EYS: variants seen among roughly 807,000 people sequenced by gnomAD.
The protein encoded by EYS is EGF-like photoreceptor maintenance factor, also known as protein eyes shut homolog.
In EYS, 250 loss-of-function variants were observed where a neutral mutation model predicts 282.1. That is an observed-to-expected ratio of 0.89 (90% confidence interval 0.80 to 0.98). The LOEUF is 0.98. EYS is among the 50% of genes least tolerant of loss of function. EYS has a pLI of 0.00. For missense variants in EYS, 4,016 were observed against 3,709.0 expected, an observed-to-expected ratio of 1.08 and a Z score of -2.15; for synonymous variants, 1,355 against 1,282.9, an observed-to-expected ratio of 1.06 and a Z score of -1.20.
At chr6:65,645,007 G>A (rs370411339) in intron 1 of EYS, among the ~76,000 whole-genome samples, 13 of 152,074 alleles carry the variant, frequency 8.5e-5, no homozygotes, top group Middle Eastern at 3.4e-3. Context: ...AACAAACAAG[G>A]TATTCAGGCA....
At chr6:65,164,627 T>C (rs988715693) in intron 12 of EYS, among the ~76,000 whole-genome samples, 1 of 151,294 alleles carries the variant, frequency 6.6e-6, no homozygotes, top group African/African-American at 2.4e-5. Context: ...TTTTAGAAAA[T>C]CTGTATTAGA....
intron 29 of EYS, among the ~76,000 whole-genome samples, chr6:64,313,372 G>A (rs1383659158): frequency 7.4e-6 from 1 of 134,586 alleles, no homozygotes; most frequent in African/African-American, 2.6e-5. Context: ...TCCAAGAAAT[G>A]TGGGACTATG....
chr6:64,324,256 C>A (rs1770325784), intron 29 of EYS, among the ~76,000 whole-genome samples: 1 of 152,116 alleles, frequency 6.6e-6, no homozygotes, highest in Non-Finnish European at 1.5e-5. Context: ...AAACTGAATC[C>A]AGTAGCAGAT....
intron 12 of EYS, among the ~76,000 whole-genome samples, chr6:65,224,041 T>C (rs943282414): frequency 6.6e-6 from 1 of 152,176 alleles, no homozygotes; most frequent in African/African-American, 2.4e-5. Context: ...CTTGACAAGA[T>C]GACTTGAGTA....
chr6:63,816,762 C>T (rs1196880681), intron 36 of EYS, among the ~76,000 whole-genome samples: 2 of 152,228 alleles, frequency 1.3e-5, no homozygotes, highest in East Asian at 3.8e-4. Context: ...GAAGGAAGTT[C>T]ACGTGCTACG....
chr6:63,738,498 A>G (rs988812601), intron 41 of EYS, among the ~76,000 whole-genome samples: 1 of 149,842 alleles, frequency 6.7e-6, no homozygotes, highest in African/African-American at 2.5e-5. Flanking sequence ...CAAAAAACCA[A>G]ACACCCCATA....
chr6:64,567,150 GAA>G (rs377115312), intron 26 of EYS, among the ~76,000 whole-genome samples: 1 of 144,224 alleles, frequency 6.9e-6, no homozygotes. Flanking sequence ...AGGACTAAAA[GAA>G]AAAAAAAAAT....
At chr6:64,905,807 A>C (rs1441125282) in intron 16 of EYS, among the ~76,000 whole-genome samples, 1 of 152,126 alleles carries the variant, frequency 6.6e-6, no homozygotes, top group Non-Finnish European at 1.5e-5. Context: ...TCAGGACTAT[A>C]TTTTAACAAT....
intron 8 of EYS, among the ~76,000 whole-genome samples, chr6:65,368,383 T>A (rs1765002072): frequency 6.6e-6 from 1 of 151,732 alleles, no homozygotes; most frequent in Non-Finnish European, 1.5e-5. Flanking sequence ...GTGGTAACTT[T>A]GATTTCTATT....
chr6:64,747,675 G>A (rs1267423300), intron 22 of EYS, among the ~76,000 whole-genome samples: 1 of 152,160 alleles, frequency 6.6e-6, no homozygotes, highest in Non-Finnish European at 1.5e-5. Context: ...ACCATGCCCA[G>A]CCCTAGAATC....
At chr6:63,862,438 C>T (rs1397118235) in intron 36 of EYS, among the ~76,000 whole-genome samples, 1 of 151,730 alleles carries the variant, frequency 6.6e-6, no homozygotes, top group Non-Finnish European at 1.5e-5. Context: ...AAAAAATTTA[C>T]ACTGAGGCAA....
At chr6:64,508,417 ATTC>A (rs1463129789) in intron 26 of EYS, among the ~76,000 whole-genome samples, 1 of 151,994 alleles carries the variant, frequency 6.6e-6, no homozygotes, top group Non-Finnish European at 1.5e-5. Flanking sequence ...AGTTGTTTGT[ATTC>A]TGGGTCTGTT....
intron 31 of EYS, among the ~76,000 whole-genome samples, chr6:64,100,985 T>G (rs1241038072): frequency 1.3e-5 from 2 of 151,974 alleles, no homozygotes; most frequent in African/African-American, 4.8e-5. Flanking sequence ...ACAAAGATCT[T>G]TTTTTTTGTG....
chr6:65,689,524 TA>T (rs769975374), intron 1 of EYS, among the ~76,000 whole-genome samples: 2 of 149,314 alleles, frequency 1.3e-5, no homozygotes, highest in East Asian at 2.3e-4. Flanking sequence ...TAAAGTATAA[TA>T]AAAAAAATTA....
At chr6:64,999,010 G>T (rs1458762824) in intron 13 of EYS, among the ~76,000 whole-genome samples, 1 of 152,088 alleles carries the variant, frequency 6.6e-6, no homozygotes, top group African/African-American at 2.4e-5. Flanking sequence ...ACAACAAAAG[G>T]TCACTTTGAA....
intron 36 of EYS, among the ~76,000 whole-genome samples, chr6:63,830,907 G>A (rs1046588254): frequency 6.6e-6 from 1 of 152,170 alleles, no homozygotes; most frequent in Non-Finnish European, 1.5e-5. Flanking sequence ...GTGGAGGCCA[G>A]TATTCAACAT....
At chr6:64,421,253 C>T (rs576836114) in intron 28 of EYS, among the ~76,000 whole-genome samples, 2 of 152,122 alleles carry the variant, frequency 1.3e-5, no homozygotes, top group African/African-American at 2.4e-5. Context: ...AAAGGGGAAG[C>T]CCCTTAAAAA....
intron 19 of EYS, among the ~76,000 whole-genome samples, chr6:64,830,838 C>T (rs1031253229): frequency 6.6e-6 from 1 of 152,002 alleles, no homozygotes; most frequent in Non-Finnish European, 1.5e-5. Flanking sequence ...AACAGCAACA[C>T]TCAATTCCAC....
intron 14 of EYS, among the ~76,000 whole-genome samples, chr6:64,969,104 T>A (rs1218216756): frequency 1.3e-5 from 2 of 151,626 alleles, no homozygotes; most frequent in South Asian, 2.1e-4. Context: ...AAAAAAAAAA[T>A]CTCATTTCCT....
Sources: allele counts gnomAD v4.1 joint callset (sites outside exome capture counted in the v4.1 genomes callset), GRCh38; gene constraint gnomAD v4.1.1; transcripts MANE v1.5; gene names NCBI Gene and HGNC (gene_info 2026-07-23, HGNC 2026-07-21).